TBC1D15: variants seen among roughly 807,000 people sequenced by gnomAD.
The protein encoded by TBC1D15 is TBC1 domain family member 15.
A neutral mutation model predicts 95.4 loss-of-function variants in TBC1D15; 39 were observed. The ratio of observed to expected loss-of-function variants is 0.41; its 90% CI spans 0.32 to 0.53. TBC1D15 has a LOEUF of 0.53. Ranked by LOEUF, TBC1D15 falls within the 20% of genes least tolerant of loss-of-function variation. The pLI is 0.29. For missense variants in TBC1D15, 733 were observed against 794.3 expected (o/e 0.92, Z 0.93); for synonymous variants, 258 against 261.3 (o/e 0.99, Z 0.12).
intron 1 of TBC1D15, chr12:71,841,115 T>C (rs996566971): frequency 2.6e-5 from 4 of 152,150 alleles, no homozygotes; most frequent in East Asian, 1.9e-4. Context: ...GATGCTGATA[T>C]ACTGCTTGAC....
intron 5 of TBC1D15, among the ~76,000 whole-genome samples, chr12:71,892,172 T>C (rs1228619058): frequency 6.6e-6 from 1 of 152,058 alleles, no homozygotes; most frequent in Non-Finnish European, 1.5e-5. Context: ...CTATGTCAAA[T>C]GACTCAACCT....
At chr12:71,884,146 A>G (rs755998799) in intron 4 of TBC1D15, among the ~76,000 whole-genome samples, 7 of 152,188 alleles carry the variant, frequency 4.6e-5, no homozygotes, top group Non-Finnish European at 1.0e-4. Flanking sequence ...TGCAAATAAA[A>G]TGTCTGTATA....
In TBC1D15 at chr12:71,868,402, T is replaced by C. The variant is rs375199492; in HGVS notation, c.31-3668T>C. ...CTGGGACTACAGGCACCCGCCACCATGCCCGGATAATTTTTTCTATTTTTT... is the reference window on the plus strand; with the variant it reads ...CTGGGACTACAGGCACCCGCCACCACGCCCGGATAATTTTTTCTATTTTTT... On this transcript the variant is annotated intron_variant, in intron 1 of 16. Coordinates refer to ENST00000485960, the MANE Select transcript of TBC1D15 (RefSeq NM_001146213.3). Among the ~76,000 whole-genome samples, 12 of 152,152 alleles carry C rather than the reference T, an allele frequency of 7.9e-5. No homozygotes were observed. The East Asian group carries it at 2.3e-3, about 29-fold the overall frequency.
At chr12:71,846,755 CTTTT>C (rs10651326) in intron 1 of TBC1D15, among the ~76,000 whole-genome samples, 5 of 111,166 alleles carry the variant, frequency 4.5e-5, no homozygotes, top group Non-Finnish European at 5.4e-5. Flanking sequence ...TTTTATACAG[CTTTT>C]TTTTTTTTTT....
Position 71,923,154 on chromosome 12 carries a change from C to G in TBC1D15, c.1975C>G (p.Pro659Ala). Residue 659 changes from proline (P) to alanine (A), a missense_variant, in exon 17 of 17, where the codon CCA (proline) becomes GCA (alanine). Pro to Ala is a conservative substitution (Grantham distance 27). Coordinates refer to ENST00000485960, the MANE Select transcript of TBC1D15 (RefSeq NM_001146213.3). ...TGCCAGTGGAGCCAGAAATGACAGCCCAACACAGATACCAGTGTCCTCAGA... is the reference window on the plus strand; with the variant it reads ...TGCCAGTGGAGCCAGAAATGACAGCGCAACACAGATACCAGTGTCCTCAGA... ...LSASGARNDSPTQIPVSSDVC... is the reference protein window; with the variant it reads ...LSASGARNDSATQIPVSSDVC... The G allele has an allele frequency of 6.2e-7, 1 of 1,614,156 alleles. No individual in the cohort carries two copies.
At chr12:71,854,416 C>A in intron 1 of TBC1D15, 1 of 363,552 alleles carries the variant, frequency 2.8e-6, no homozygotes, top group Admixed American at 3.7e-5. Flanking sequence ...TCTTTTTTCC[C>A]CTTCAATCGT....
Position 71,872,965 on chromosome 12 carries a change from G to C in TBC1D15, c.166G>C (p.Asp56His). ...EVIVDWRPLD[D>H]ALDSSSILYA... ...AATAGTGGACTGGAGACCATTGGAT[G>C]ATGCATTAGATTCCTCTAGTATTCT... The change falls in exon 3 of 17, where the codon GAT becomes CAT. Residue 56 changes from aspartate to histidine, a missense_variant. Physicochemically the swap from Asp to His is moderately conservative, Grantham distance 81. Coordinates refer to ENST00000485960, the MANE Select transcript of TBC1D15 (RefSeq NM_001146213.3). The C allele has an allele frequency of 6.2e-7, 1 of 1,609,920 alleles. No individual in the cohort carries two copies. Among genetic ancestry groups the C allele is most frequent in the Non-Finnish European group, 8.5e-7 (1 of 1,178,604 alleles).
intron 1 of TBC1D15, among the ~76,000 whole-genome samples, chr12:71,852,797 C>T (rs1888147975): frequency 6.6e-6 from 1 of 152,148 alleles, no homozygotes; most frequent in Admixed American, 6.5e-5. Context: ...CTGAGACCTC[C>T]TCAGCCTGGC....
intron 3 of TBC1D15, among the ~76,000 whole-genome samples, chr12:71,879,914 ACTCAAACCAT>A (rs2138452062): frequency 6.6e-6 from 1 of 152,308 alleles, no homozygotes; most frequent in African/African-American, 2.4e-5. Flanking sequence ...TTTTTGATTT[ACTCAAACCAT>A]ATTGCATTTT....
chr12:71,844,838 A>T (rs989087973), intron 1 of TBC1D15, among the ~76,000 whole-genome samples: 2 of 152,236 alleles, frequency 1.3e-5, no homozygotes, highest in Admixed American at 1.3e-4. Flanking sequence ...ACTGGCTTAC[A>T]TAATACTGCT....
intron 10 of TBC1D15, among the ~76,000 whole-genome samples, chr12:71,903,498 C>T (rs954220363): frequency 3.9e-5 from 6 of 152,116 alleles, no homozygotes; most frequent in Non-Finnish European, 1.5e-5. Flanking sequence ...ACCATTCGAC[C>T]CAGCAATCCC....
At chr12:71,887,129 A>T in intron 5 of TBC1D15, among the ~76,000 whole-genome samples, 1 of 149,046 alleles carries the variant, frequency 6.7e-6, no homozygotes, top group East Asian at 2.0e-4. Context: ...GTGAGTAAGT[A>T]TCATATTATT....
rs1283585072 is a variant in TBC1D15, at chr12:71,839,831, A to C, written c.30+20A>C. On this transcript the variant is annotated intron_variant, in intron 1 of 16. Coordinates refer to ENST00000485960, the MANE Select transcript of TBC1D15 (RefSeq NM_001146213.3). ...GGGAAGGTAGGTAACGGCCTCCAGG[A>C]AGACCTCGGCTTTTCTCTGGGACGG... 1 of 1,614,060 alleles carries C rather than the reference A, an allele frequency of 6.2e-7. No individual in the cohort carries two copies. Among genetic ancestry groups the C allele is most frequent in the South Asian group, 1.1e-5 (1 of 91,082 alleles).
chr12:71,921,694 A>G (rs528737381), intron 16 of TBC1D15, among the ~76,000 whole-genome samples: 1 of 152,364 alleles, frequency 6.6e-6, no homozygotes, highest in East Asian at 1.9e-4. Flanking sequence ...AAATATTTCT[A>G]TAACAAAGAG....
chr12:71,903,580 C>T lies in TBC1D15; in HGVS notation c.1184-3442C>T, dbSNP rs563588210. ...GGTAAATGCACATGTATGTTCATAG[C>T]AGCACTATTTGACAACAGAGAAGAC... is the stretch of plus-strand genomic sequence containing the variant. On this transcript the variant is annotated intron_variant, in intron 10 of 16. Coordinates refer to ENST00000485960, the MANE Select transcript of TBC1D15 (RefSeq NM_001146213.3). Among the ~76,000 whole-genome samples, 83 of 152,266 alleles carry T rather than the reference C, an allele frequency of 5.5e-4. 1 individual carries two copies. The South Asian group carries it at 0.017, about 30-fold the overall frequency.
At chr12:71,849,453 G>A (rs990480551) in intron 1 of TBC1D15, 7 of 1,036,248 alleles carry the variant, frequency 6.8e-6, no homozygotes, top group Non-Finnish European at 1.1e-5. Flanking sequence ...CTCTTCAAGG[G>A]AAGATTCCAA....
chr12:71,893,707 T>C (rs1164359845), intron 6 of TBC1D15, among the ~76,000 whole-genome samples: 1 of 151,882 alleles, frequency 6.6e-6, no homozygotes, highest in Non-Finnish European at 1.5e-5. Flanking sequence ...TTTAAGTAGA[T>C]TGTTTTGACG....
At chr12:71,922,779 T>C (rs570771272) in intron 16 of TBC1D15, among the ~76,000 whole-genome samples, 1 of 152,322 alleles carries the variant, frequency 6.6e-6, no homozygotes, top group African/African-American at 2.4e-5. Flanking sequence ...ATTTGGAAGA[T>C]ATCCAAGAAC....
chr12:71,854,780 T>G (rs1888649129), intron 1 of TBC1D15: 1 of 456,604 alleles, frequency 2.2e-6, no homozygotes, highest in Non-Finnish European at 4.4e-6. Context: ...CACCTTCTTT[T>G]GCAGATTCGC....
Sources: allele counts gnomAD v4.1 joint callset (sites outside exome capture counted in the v4.1 genomes callset), GRCh38; gene constraint gnomAD v4.1.1; transcripts MANE v1.5; gene names NCBI Gene and HGNC (gene_info 2026-07-23, HGNC 2026-07-21).